CEP192: variants seen among roughly 807,000 people sequenced by gnomAD.
CEP192 encodes the protein centrosomal protein 192, also known as centrosomal protein of 192 kDa.
In CEP192, 151 loss-of-function variants were observed where a neutral mutation model predicts 271.8. The ratio of observed to expected loss-of-function variants is 0.56; its 90% CI spans 0.49 to 0.64. The LOEUF (loss-of-function observed/expected upper bound fraction) is 0.64. CEP192 is among the 30% of genes least tolerant of loss of function. The pLI, the probability that CEP192 is intolerant of heterozygous loss-of-function variation, is 0.00. For synonymous variants in CEP192, 995 were observed against 1,076.5 expected, an observed-to-expected ratio of 0.92 and a Z score of 1.48; for missense variants, 2,910 against 3,020.5, an observed-to-expected ratio of 0.96 and a Z score of 0.86.
intron 30 of CEP192, among the ~76,000 whole-genome samples, chr18:13,084,215 C>T (rs545635044): frequency 1.3e-5 from 2 of 152,280 alleles, no homozygotes; most frequent in African/African-American, 4.8e-5. Context: ...TTCAGCTATG[C>T]CCTGCCCCTA....
rs769452990 is a variant in CEP192 at position 13,008,565 on chromosome 18, G to A, written c.400G>A (p.Gly134Arg). 11 of 1,551,488 alleles carry A rather than the reference G, an allele frequency of 7.1e-6. No individual in the cohort carries two copies. The highest frequency in any genetic ancestry group is 5.9e-5 in the Admixed American group (3 of 50,984). Residue 134 changes from glycine to arginine, a missense_variant, in exon 4 of 45, where the codon GGA becomes AGA. Coordinates refer to ENST00000506447, the MANE Select transcript of CEP192 (RefSeq NM_032142.4). ...ETAGPEEEPA[G>R]ATESLQGQDL... ...AGCAGGACCAGAAGAGGAGCCAGCC[G>A]GAGCTACAGAATCCTTGCAGGGCCA...
At chr18:13,063,187 A>G (rs1159395316) in intron 21 of CEP192, among the ~76,000 whole-genome samples, 3 of 152,196 alleles carry the variant, frequency 2.0e-5, no homozygotes, top group Non-Finnish European at 4.4e-5. Flanking sequence ...TGCAATAAAC[A>G]TATCTCTTTA....
At chr18:13,117,459 A>G in intron 43 of CEP192, 126 bp from the exon 44 acceptor site, 1 of 645,828 alleles carries the variant, frequency 1.5e-6, no homozygotes, top group Non-Finnish European at 2.7e-6. Context: ...TTATTGTACT[A>G]CCTAATTTTG....
At chr18:13,086,428 G>T (rs1222368816) in intron 30 of CEP192, among the ~76,000 whole-genome samples, 1 of 152,202 alleles carries the variant, frequency 6.6e-6, no homozygotes, top group African/African-American at 2.4e-5. Context: ...TTGAATAGGA[G>T]TGGTGAGAGA....
chr18:13,109,248 A>G (rs1354511442), intron 40 of CEP192, among the ~76,000 whole-genome samples: 1 of 152,232 alleles, frequency 6.6e-6, no homozygotes, highest in East Asian at 1.9e-4. Context: ...TTGTAGCAAC[A>G]TGGATACAGC....
At position 13,069,116 on chromosome 18, in the gene CEP192, T is replaced by C. The variant is rs1479103282; in HGVS notation, c.4990T>C (p.Ser1664Pro). ...GATGCATTTCTTGGCCAAAGTGGCT[T>C]CCTCAAGAAAGCAGCACTTACCTTT... ...QTMHFLAKVA[S>P]SRKQHLPLKN... The change falls in exon 26 of 45, where the codon TCC becomes CCC. Residue 1664 changes from serine (S) to proline (P), a missense_variant. By Grantham distance (74) the Ser-to-Pro change is moderately conservative. Coordinates refer to ENST00000506447, the MANE Select transcript of CEP192 (RefSeq NM_032142.4). 6.2e-7 allele frequency: 1 copy of C among 1,614,202 alleles called. No homozygotes were observed. Among genetic ancestry groups the C allele is most frequent in the East Asian group, 2.2e-5 (1 of 44,884 alleles).
At chr18:13,053,847 A>T (rs556251453) in intron 18 of CEP192, among the ~76,000 whole-genome samples, 1 of 151,866 alleles carries the variant, frequency 6.6e-6, no homozygotes, top group East Asian at 1.9e-4. Context: ...GCACTACCAC[A>T]CCTGGCTAAT....
chr18:12,992,420 A>T (rs1297972748), intron 1 of CEP192, among the ~76,000 whole-genome samples: 1 of 152,184 alleles, frequency 6.6e-6, no homozygotes, highest in Non-Finnish European at 1.5e-5. Context: ...ACGATTAATG[A>T]CTATAGTCAG....
At position 13,049,688 on chromosome 18, in the gene CEP192, GTC is replaced by G; in HGVS notation, c.2890+9_2890+10del. 6.2e-7 allele frequency: 1 copy of G among 1,605,350 alleles called. No homozygotes were observed. The highest frequency in any genetic ancestry group is 8.5e-7 in the Non-Finnish European group (1 of 1,175,156). ...GTCTCACCTAAAAATAGTGGTAAGT[GTC>G]TGAGTCGTTGGTCACATTCATAAAA... is the stretch of plus-strand genomic sequence containing the variant. On this transcript the variant is annotated splice_region_variant and intron_variant, in intron 16 of 44. Transcript: ENST00000506447.
intron 6 of CEP192, among the ~76,000 whole-genome samples, chr18:13,015,991 C>T (rs955179888): frequency 6.6e-6 from 1 of 152,104 alleles, no homozygotes; most frequent in Non-Finnish European, 1.5e-5. Flanking sequence ...AGTGATCTGC[C>T]CACCTCGGCC....
intron 9 of CEP192, among the ~76,000 whole-genome samples, chr18:13,028,172 G>C (rs1223482455): frequency 6.6e-6 from 1 of 152,136 alleles, no homozygotes; most frequent in South Asian, 2.1e-4. Flanking sequence ...GTGTGTTCAC[G>C]TGGCCTTGTC....
At chr18:13,023,241 T>A (rs1443131283) in intron 9 of CEP192, among the ~76,000 whole-genome samples, 2 of 152,200 alleles carry the variant, frequency 1.3e-5, no homozygotes, top group Non-Finnish European at 2.9e-5. Context: ...CTTTATTTCC[T>A]TTTCGTGTCT....
At chr18:13,106,534 A>T (rs1411333466) in intron 40 of CEP192, among the ~76,000 whole-genome samples, 2 of 127,586 alleles carry the variant, frequency 1.6e-5, no homozygotes, top group African/African-American at 3.0e-5. Context: ...CACCACCACC[A>T]CCTCCCCCAT....
At position 13,092,407 on chromosome 18, in the gene CEP192, T is replaced by C; in HGVS notation, c.6134T>C (p.Val2045Ala). The C allele has an allele frequency of 6.2e-7, 1 of 1,602,922 alleles. No individual in the cohort carries two copies. Among genetic ancestry groups the C allele is most frequent in the Non-Finnish European group, 8.5e-7 (1 of 1,172,476 alleles). Reference protein sequence around the residue: ...VYDLPQRPNDVQLFYGSMCKI... With the variant: ...VYDLPQRPNDAQLFYGSMCKI... Reference sequence around the variant, plus strand: ...GATCTTCCCCAACGACCTAATGATGTTCAGCTCTTTTATGGAAGCATGTGT... The same window carrying C: ...GATCTTCCCCAACGACCTAATGATGCTCAGCTCTTTTATGGAAGCATGTGT... Residue 2045 changes from valine (V) to alanine (A), a missense_variant, in exon 34 of 45, where the codon GTT becomes GCT. Physicochemically the swap from Val to Ala is moderately conservative, Grantham distance 64 (BLOSUM62 0). Coordinates refer to ENST00000506447, the MANE Select transcript of CEP192 (RefSeq NM_032142.4).
intron 33 of CEP192, among the ~76,000 whole-genome samples, chr18:13,090,098 A>G (rs2039072152): frequency 6.6e-6 from 1 of 152,216 alleles, no homozygotes; most frequent in Non-Finnish European, 1.5e-5. Context: ...AACATTTCAA[A>G]TATTTAACAA....
intron 4 of CEP192, among the ~76,000 whole-genome samples, chr18:13,011,307 A>T (rs746210041): frequency 2.2e-4 from 33 of 152,218 alleles, no homozygotes; most frequent in East Asian, 7.7e-4. Flanking sequence ...ATAATAATAA[A>T]AAAAAAGGAA....
chr18:13,045,714 A>G (rs2036438643), intron 15 of CEP192, among the ~76,000 whole-genome samples: 1 of 152,194 alleles, frequency 6.6e-6, no homozygotes, highest in Non-Finnish European at 1.5e-5. Context: ...TGTGCATAAA[A>G]TTTGTTGCAT....
intron 30 of CEP192, among the ~76,000 whole-genome samples, chr18:13,079,799 G>C (rs1318346017): frequency 6.6e-6 from 1 of 152,114 alleles, no homozygotes; most frequent in Non-Finnish European, 1.5e-5. Flanking sequence ...AATCCATCTT[G>C]AATTAATTTT....
Position 13,030,567 on chromosome 18 carries a change from T to C in CEP192, c.1493T>C (p.Val498Ala). 4 of 1,611,844 alleles carry C rather than the reference T, an allele frequency of 2.5e-6. No homozygotes were observed. The highest frequency in any genetic ancestry group is 3.4e-6 in the Non-Finnish European group (4 of 1,178,252). ...TTTAATAGCAAACAAAATTTAAATGTGTCTCTAAGTGATGAGATGAATGAA... is the reference window on the plus strand; with the variant it reads ...TTTAATAGCAAACAAAATTTAAATGCGTCTCTAAGTGATGAGATGAATGAA... ...TSFNSKQNLN[V>A]SLSDEMNEDF... is the part of the protein sequence containing the mutation. The change falls in exon 11 of 45, where the codon GTG (valine) becomes GCG (alanine). Residue 498 changes from valine to alanine, a missense_variant. Transcript: ENST00000506447.
Sources: gnomAD v4.1 joint callset for allele counts (sites outside exome capture counted in the v4.1 genomes callset) on GRCh38, gnomAD v4.1.1 for gene constraint, MANE v1.5 for transcripts, NCBI Gene and HGNC (gene_info 2026-07-23, HGNC 2026-07-21) for gene names.